Variants in ATRN observed in about 807,000 individuals in gnomAD.
The protein encoded by ATRN is attractin-2.
ATRN carries 54 observed loss-of-function variants against 178.7 expected under a neutral mutation model. The ratio of observed to expected loss-of-function variants is 0.30; its 90% CI spans 0.24 to 0.38. ATRN has a LOEUF of 0.38. ATRN is among the 10% of genes least tolerant of loss of function. The pLI, the probability that ATRN is intolerant of heterozygous loss-of-function variation, is 1.00. For missense variants in ATRN, 1,443 were observed against 1,815.1 expected (o/e 0.79, Z 3.73); for synonymous variants, 636 against 663.0 (o/e 0.96, Z 0.63).
At chr20:3,471,727 A>G (rs1167125078) in intron 1 of ATRN, among the ~76,000 whole-genome samples, 3 of 152,190 alleles carry the variant, frequency 2.0e-5, no homozygotes, top group Non-Finnish European at 4.4e-5. Context: ...GTGTGGGGCA[A>G]GGGTGGGGGC....
intron 25 of ATRN, among the ~76,000 whole-genome samples, chr20:3,630,916 CTTTTTTTTTTTTTTTT>C (rs368394749): frequency 1.6e-3 from 69 of 43,428 alleles, no homozygotes; most frequent in Non-Finnish European, 1.9e-3. Flanking sequence ...ATTTATTTAG[CTTTTTTTTTTTTTTTT>C]TTTTTTTTTT....
chr20:3,623,456 GC>G (rs975834792), intron 24 of ATRN, among the ~76,000 whole-genome samples: 1 of 152,136 alleles, frequency 6.6e-6, no homozygotes, highest in Admixed American at 6.5e-5. Flanking sequence ...AGAAAATAGG[GC>G]CATCAAAAAA....
chr20:3,620,124 G>A (rs1358281487), intron 24 of ATRN, among the ~76,000 whole-genome samples: 2 of 151,976 alleles, frequency 1.3e-5, no homozygotes, highest in African/African-American at 2.4e-5. Flanking sequence ...ACTAATTATG[G>A]GGATTTAACC....
At chr20:3,534,771 G>A (rs144437039) in intron 1 of ATRN, among the ~76,000 whole-genome samples, 43 of 152,250 alleles carry the variant, frequency 2.8e-4, no homozygotes, top group South Asian at 2.3e-3. Flanking sequence ...AAGTTCAAGC[G>A]TGGGCAACAT....
chr20:3,471,102 G>A lies in ATRN; in HGVS notation c.-6G>A, dbSNP rs1267486231. 1.3e-6 allele frequency: 2 copies of A among 1,508,314 alleles called. No homozygotes were observed. Among genetic ancestry groups the A allele is most frequent in the Admixed American group, 4.1e-5 (2 of 49,122 alleles). 93.4% of individuals were successfully genotyped at this position (1,508,314 alleles called of 1,614,324 possible). The stretch of plus-strand genomic sequence containing the variant: ...GTTCGCGGGGCGCCGTCTCAGCCCC[G>A]GGAAGATGGTGGCTGCAGCGGCGGC... On this transcript the variant is annotated 5_prime_UTR_variant, in exon 1 of 29. Coordinates refer to ENST00000262919, the MANE Select transcript of ATRN (RefSeq NM_139321.3).
chr20:3,480,245 T>C (rs1416483576), intron 1 of ATRN, among the ~76,000 whole-genome samples: 1 of 152,196 alleles, frequency 6.6e-6, no homozygotes, highest in Non-Finnish European at 1.5e-5. Context: ...GGGTTTATGA[T>C]TGATTTTAAT....
Position 3,597,895 on chromosome 20 carries a change from T to C in ATRN, c.3470-11T>C, listed in dbSNP as rs768941675. On this transcript the variant is annotated splice_polypyrimidine_tract_variant and intron_variant, in intron 21 of 28. Coordinates refer to ENST00000262919, the MANE Select transcript of ATRN (RefSeq NM_139321.3). The stretch of plus-strand genomic sequence containing the variant: ...TTTAGTTTTTAAATATGCATTTCTT[T>C]CTTTCCATAGATACTCTTCTTATTG... The C allele has an allele frequency of 3.6e-5, 56 of 1,542,178 alleles. No homozygotes were observed. Among genetic ancestry groups the C allele is most frequent in the Non-Finnish European group, 5.0e-5 (56 of 1,118,912 alleles).
intron 12 of ATRN, among the ~76,000 whole-genome samples, chr20:3,574,441 G>A (rs1158072285): frequency 6.6e-6 from 1 of 152,218 alleles, no homozygotes; most frequent in Non-Finnish European, 1.5e-5. Flanking sequence ...CTTGAGCCCA[G>A]GACGTTGAGG....
Position 3,601,030 on chromosome 20 carries a change from G to C in ATRN, c.3643+6G>C. ...CTGGGCTGCCAGTTTCTCAGGTAAA[G>C]ACATACCTAGAGAAGACCCCGCAAA... is the stretch of plus-strand genomic sequence containing the variant. On this transcript the variant is annotated splice_donor_region_variant and intron_variant, in intron 23 of 28. Transcript: ENST00000262919. 2 of 1,604,540 alleles carry C rather than the reference G, an allele frequency of 1.2e-6. No homozygotes were observed. Among genetic ancestry groups the C allele is most frequent in the Non-Finnish European group, 1.7e-6 (2 of 1,171,684 alleles).
rs191684649 is a variant in ATRN, at chr20:3,532,786, A to G, written c.411-2467A>G. ...TTTATACTCTTTTTTTTTTTGAGACAGAGTCTCACTCTGTCGCCCAGGCTG... is the reference window on the plus strand; with the variant it reads ...TTTATACTCTTTTTTTTTTTGAGACGGAGTCTCACTCTGTCGCCCAGGCTG... On this transcript the variant is annotated intron_variant, in intron 1 of 28. Transcript: ENST00000262919. Among the ~76,000 whole-genome samples, 11 of 151,270 alleles carry G rather than the reference A, an allele frequency of 7.3e-5. No homozygotes were observed. The East Asian group carries it at 1.9e-3, about 27-fold the overall frequency.
In ATRN at chr20:3,471,327, C is replaced by A; in HGVS notation, c.220C>A (p.Leu74Met). Residue 74 changes from leucine to methionine, a missense_variant, in exon 1 of 29, where the codon CTG becomes ATG. Transcript: ENST00000262919. Reference sequence around the variant, plus strand: ...GTTGTTGCTCTCGCCGCCGCTGCTGCTGCTGCTGCTGCCCTGTGAGGCCGA... The same window carrying A: ...GTTGTTGCTCTCGCCGCCGCTGCTGATGCTGCTGCTGCCCTGTGAGGCCGA... ...LLLLLSPPLLLLLLPCEAEAA... is the reference protein window; with the variant it reads ...LLLLLSPPLLMLLLPCEAEAA... 1 of 1,485,772 alleles carries A rather than the reference C, an allele frequency of 6.7e-7. No individual in the cohort carries two copies. Among genetic ancestry groups the A allele is most frequent in the Non-Finnish European group, 8.9e-7 (1 of 1,126,946 alleles). 92.0% of individuals were successfully genotyped at this position (1,485,772 alleles called of 1,614,324 possible).
chr20:3,516,817 C>T (rs367575384), intron 1 of ATRN, among the ~76,000 whole-genome samples: 1 of 152,074 alleles, frequency 6.6e-6, no homozygotes, highest in East Asian at 1.9e-4. Flanking sequence ...GACATGAACT[C>T]ATCCTTTTTT....
At chr20:3,590,391 T>C (rs987394781) in intron 18 of ATRN, among the ~76,000 whole-genome samples, 1 of 152,232 alleles carries the variant, frequency 6.6e-6, no homozygotes, top group Admixed American at 6.5e-5. Flanking sequence ...TTGCTTACAG[T>C]GCAGGTTGTG....
intron 16 of ATRN, among the ~76,000 whole-genome samples, chr20:3,583,171 G>A (rs1037447287): frequency 6.6e-6 from 1 of 152,196 alleles, no homozygotes; most frequent in Non-Finnish European, 1.5e-5. Context: ...TAGGGGAGCT[G>A]CCCAGCAGCC....
At chr20:3,565,664 G>T (rs2086023497) in intron 11 of ATRN, among the ~76,000 whole-genome samples, 1 of 151,922 alleles carries the variant, frequency 6.6e-6, no homozygotes, top group African/African-American at 2.4e-5. Flanking sequence ...TAGTTGGGAG[G>T]CTGAGGCAGG....
At position 3,559,484 on chromosome 20, in the gene ATRN, G is replaced by T; in HGVS notation, c.1203+1G>T. On this transcript the variant is annotated splice_donor_variant, in intron 7 of 28. Coordinates refer to ENST00000262919, the MANE Select transcript of ATRN (RefSeq NM_139321.3). LOFTEE classifies it high-confidence loss of function. ...TGGTCATTCTTTGGCATTATACAAGGTAAAGCATCTCCACTCTGTGCTAAG... is the reference window on the plus strand; with the variant it reads ...TGGTCATTCTTTGGCATTATACAAGTTAAAGCATCTCCACTCTGTGCTAAG... 6.2e-7 allele frequency: 1 copy of T among 1,609,352 alleles called. No individual in the cohort carries two copies. Among genetic ancestry groups the T allele is most frequent in the Non-Finnish European group, 8.5e-7 (1 of 1,175,802 alleles).
intron 18 of ATRN, among the ~76,000 whole-genome samples, chr20:3,590,163 C>T (rs930329374): frequency 6.6e-6 from 1 of 152,172 alleles, no homozygotes; most frequent in Non-Finnish European, 1.5e-5. Flanking sequence ...GTTGGCCAGG[C>T]TGATCTCGAA....
intron 6 of ATRN, among the ~76,000 whole-genome samples, chr20:3,553,106 G>A (rs900353924): frequency 3.9e-5 from 6 of 152,112 alleles, no homozygotes; most frequent in African/African-American, 1.4e-4. Context: ...GTCATATCTT[G>A]TTAGCTCTAC....
At chr20:3,623,193 A>C (rs1230848647) in intron 24 of ATRN, among the ~76,000 whole-genome samples, 2 of 152,188 alleles carry the variant, frequency 1.3e-5, no homozygotes, top group African/African-American at 4.8e-5. Flanking sequence ...GTCTTATCTA[A>C]AACTTTTATG....
Sources: allele counts gnomAD v4.1 joint callset (sites outside exome capture counted in the v4.1 genomes callset), GRCh38; gene constraint gnomAD v4.1.1; transcripts MANE v1.5; gene names NCBI Gene and HGNC (gene_info 2026-07-23, HGNC 2026-07-21).